SPATA17: variants seen among roughly 807,000 people sequenced by gnomAD.
The protein encoded by SPATA17 is spermatogenesis associated 17.
A neutral mutation model predicts 62.2 loss-of-function variants in SPATA17; 53 were observed. That is an observed-to-expected ratio of 0.85 (90% confidence interval 0.68 to 1.07). The LOEUF is 1.07. Among genes scored for constraint, SPATA17 ranks in the 50% least tolerant of loss-of-function variants. The probability of loss-of-function intolerance (pLI) is 0.00; values close to 1 mark genes in which losing one functional copy is unlikely to be tolerated. For synonymous variants in SPATA17, 146 were observed against 146.8 expected, an observed-to-expected ratio of 0.99 and a Z score of 0.04; for missense variants, 466 against 425.5, an observed-to-expected ratio of 1.10 and a Z score of -0.84.
intron 7 of SPATA17, among the ~76,000 whole-genome samples, chr1:217,775,473 G>C (rs1673564600): frequency 6.6e-6 from 1 of 152,082 alleles, no homozygotes; most frequent in Admixed American, 6.5e-5. Flanking sequence ...GGGAGGCCAA[G>C]GCGGACAGAT....
At chr1:217,809,515 G>C (rs1033798068) in intron 9 of SPATA17, among the ~76,000 whole-genome samples, 11 of 152,128 alleles carry the variant, frequency 7.2e-5, no homozygotes, top group Admixed American at 4.6e-4. Flanking sequence ...GTCATAACAT[G>C]GTGGAGAAGG....
chr1:217,846,483 T>C (rs565904664), intron 9 of SPATA17, among the ~76,000 whole-genome samples: 11 of 152,198 alleles, frequency 7.2e-5, no homozygotes, highest in African/African-American at 2.6e-4. Context: ...AAGAACTTTC[T>C]ACCTCTTATT....
chr1:217,644,690 A>C (rs1670141524), intron 1 of SPATA17, among the ~76,000 whole-genome samples: 1 of 152,008 alleles, frequency 6.6e-6, no homozygotes, highest in Non-Finnish European at 1.5e-5. Flanking sequence ...AATGATATAC[A>C]TGAATATACT....
chr1:217,815,699 C>T (rs114259512), intron 9 of SPATA17, among the ~76,000 whole-genome samples: 108 of 152,250 alleles, frequency 7.1e-4, no homozygotes, highest in Non-Finnish European at 1.2e-3. Flanking sequence ...GGGTGGGTCT[C>T]ATTCAATAAG....
At chr1:217,683,447 T>TA in intron 5 of SPATA17, 86 bp downstream of exon 5, 1 of 945,348 alleles carries the variant, frequency 1.1e-6, no homozygotes, top group Non-Finnish European at 1.7e-6. Context: ...TTAGAAATAT[T>TA]TTTTTGTTTT....
chr1:217,685,364 A>G (rs1558565257), intron 5 of SPATA17, among the ~76,000 whole-genome samples: 1 of 152,182 alleles, frequency 6.6e-6, no homozygotes, highest in Admixed American at 6.5e-5. Context: ...TATTTGACAG[A>G]TATTTCCAGT....
chr1:217,648,731 C>T, intron 1 of SPATA17, 151 bp from the exon 2 acceptor site: 1 of 420,426 alleles, frequency 2.4e-6, no homozygotes. Flanking sequence ...TTTTGAAATG[C>T]CTTATTTATT....
chr1:217,731,319 A>C (rs966454232), intron 5 of SPATA17, among the ~76,000 whole-genome samples: 1 of 151,922 alleles, frequency 6.6e-6, no homozygotes, highest in Non-Finnish European at 1.5e-5. Context: ...GATTGTTTTA[A>C]CCATCTATTC....
Position 217,870,241 on chromosome 1 carries a change from G to T in SPATA17, c.*3222G>T, listed in dbSNP as rs1022777823. On this transcript the variant is annotated 3_prime_UTR_variant, in exon 11 of 11. Coordinates refer to ENST00000366933, the MANE Select transcript of SPATA17 (RefSeq NM_138796.4). ...GTTCTTCCAGAGAAGGTGGTACTCA[G>T]ATAAAAACTTTGAAGCATTTTATTG... is the stretch of plus-strand genomic sequence containing the variant. 6 of 152,112 alleles carry T rather than the reference G, an allele frequency of 3.9e-5. No individual in the cohort carries two copies. The highest frequency in any genetic ancestry group is 7.4e-5 in the Non-Finnish European group (5 of 68,016). The allele number at this position is 152,112 out of a possible 1,614,324, so 9.4% of individuals were successfully genotyped here.
At chr1:217,815,687 G>A (rs1018939858) in intron 9 of SPATA17, among the ~76,000 whole-genome samples, 1 of 152,160 alleles carries the variant, frequency 6.6e-6, no homozygotes, top group African/African-American at 2.4e-5. Flanking sequence ...CCTCCATAAT[G>A]TGGGTGGGTC....
intron 6 of SPATA17, among the ~76,000 whole-genome samples, chr1:217,754,154 A>T (rs1327261118): frequency 6.6e-6 from 1 of 152,016 alleles, no homozygotes; most frequent in Non-Finnish European, 1.5e-5. Context: ...TTGCTTAATT[A>T]AGCCCAGGAG....
At chr1:217,697,474 A>G (rs773857410) in intron 5 of SPATA17, among the ~76,000 whole-genome samples, 1 of 152,204 alleles carries the variant, frequency 6.6e-6, no homozygotes, top group Admixed American at 6.5e-5. Flanking sequence ...TATTTCAATA[A>G]TATTTCCAAA....
intron 6 of SPATA17, among the ~76,000 whole-genome samples, chr1:217,767,270 TTG>T (rs1489007729): frequency 2.0e-5 from 3 of 152,094 alleles, no homozygotes; most frequent in Non-Finnish European, 2.9e-5. Context: ...TGTTTTTTCT[TTG>T]TGTCTTTTCA....
intron 6 of SPATA17, among the ~76,000 whole-genome samples, chr1:217,747,792 T>G (rs1672798923): frequency 6.6e-6 from 1 of 152,130 alleles, no homozygotes; most frequent in African/African-American, 2.4e-5. Flanking sequence ...ATACGATAGA[T>G]TTTTGATGTT....
At chr1:217,752,057 G>T (rs894754901) in intron 6 of SPATA17, among the ~76,000 whole-genome samples, 4 of 152,148 alleles carry the variant, frequency 2.6e-5, no homozygotes, top group Non-Finnish European at 5.9e-5. Context: ...GTTTTCTTTA[G>T]ATACAGAGTC....
intron 9 of SPATA17, among the ~76,000 whole-genome samples, chr1:217,808,589 C>CA (rs1674502136): frequency 1.3e-5 from 2 of 152,136 alleles, no homozygotes; most frequent in African/African-American, 4.8e-5. Context: ...CACAGTGGCC[C>CA]ACGCCTGTAA....
chr1:217,865,137 A>G (rs12756739), intron 10 of SPATA17, among the ~76,000 whole-genome samples: 35,831 of 152,106 alleles, frequency 0.24, 5,194 homozygotes, highest in Admixed American at 0.34. Context: ...CAAATACAAC[A>G]AAGTGCTTCT....
At chr1:217,758,235 A>G (rs11117925) in intron 6 of SPATA17, among the ~76,000 whole-genome samples, 73,889 of 151,974 alleles carry the variant, frequency 0.49, 19,211 homozygotes, top group Non-Finnish European at 0.59. Context: ...TATCAATGAG[A>G]CACAAAGAGA....
At chr1:217,672,052 A>G (rs1670842419) in intron 4 of SPATA17, among the ~76,000 whole-genome samples, 1 of 152,208 alleles carries the variant, frequency 6.6e-6, no homozygotes, top group East Asian at 1.9e-4. Context: ...TGAAGCTGTC[A>G]GTGGACTCCA....
Sources: gnomAD v4.1 joint callset for allele counts (sites outside exome capture counted in the v4.1 genomes callset) on GRCh38, gnomAD v4.1.1 for gene constraint, MANE v1.5 for transcripts, NCBI Gene and HGNC (gene_info 2026-07-23, HGNC 2026-07-21) for gene names.